The following PRKAR2A variants were observed in gnomAD, a reference collection of about 807,000 sequenced individuals.
PRKAR2A encodes cAMP-dependent protein kinase type II-alpha regulatory subunit.
Under a neutral mutation model 51.9 loss-of-function variants are expected in PRKAR2A, and 29 were observed. The ratio of observed to expected loss-of-function variants is 0.56; its 90% confidence interval spans 0.42 to 0.76. The LOEUF (loss-of-function observed/expected upper bound fraction) is 0.76. Among genes scored for constraint, PRKAR2A ranks in the 30% least tolerant of loss-of-function variants. The pLI is 0.00. For synonymous variants in PRKAR2A, 178 were observed against 186.2 expected (o/e 0.96, Z 0.36); for missense variants, 445 against 512.1 (o/e 0.87, Z 1.26).
Position 48,847,684 on chromosome 3 carries a change from C to A in PRKAR2A, c.-88G>T, listed in dbSNP as rs565808589. ...TCACGCCGGCCTTTCGCTCCGCGCCCGCGAGGTCTCTTCGCGCACGGCCCC... is the reference window on the plus strand; with the variant it reads ...TCACGCCGGCCTTTCGCTCCGCGCCAGCGAGGTCTCTTCGCGCACGGCCCC... On this transcript the variant is annotated 5_prime_UTR_variant, in exon 1 of 11. Transcript: ENST00000265563. The surrounding 1 kb of genome is among the most constrained non-coding windows in gnomAD (Gnocchi z 4.4). 10 of 1,290,728 alleles carry A rather than the reference C, an allele frequency of 7.7e-6. 1 individual carries two copies. The South Asian group carries it at 1.8e-4, about 23-fold the overall frequency. The allele number at this position is 1,290,728 out of a possible 1,614,324, so 80.0% of individuals were successfully genotyped here.
chr3:48,830,898 A>C (rs2083176579), intron 1 of PRKAR2A, among the ~76,000 whole-genome samples: 1 of 152,170 alleles, frequency 6.6e-6, no homozygotes, highest in Non-Finnish European at 1.5e-5. Context: ...ACAACGGTTC[A>C]CGTTCCTATG....
chr3:48,814,283 T>A (rs1169806512), intron 1 of PRKAR2A, among the ~76,000 whole-genome samples: 1 of 149,882 alleles, frequency 6.7e-6, no homozygotes, highest in African/African-American at 2.4e-5. Flanking sequence ...CCTGGCGTGG[T>A]GGCTTGCACA....
intron 1 of PRKAR2A, among the ~76,000 whole-genome samples, chr3:48,825,957 T>C (rs562335351): frequency 6.6e-6 from 1 of 152,192 alleles, no homozygotes; most frequent in Non-Finnish European, 1.5e-5. Flanking sequence ...CCAGGCCACC[T>C]GTACTTCTAA....
chr3:48,812,130 T>G (rs2082782708), intron 1 of PRKAR2A, among the ~76,000 whole-genome samples: 1 of 150,844 alleles, frequency 6.6e-6, no homozygotes, highest in African/African-American at 2.4e-5. Context: ...TCAATAAAGC[T>G]CTGAAAAAAA....
chr3:48,755,074 G>A (rs918860155), intron 9 of PRKAR2A, among the ~76,000 whole-genome samples: 2 of 143,830 alleles, frequency 1.4e-5, no homozygotes, highest in African/African-American at 2.6e-5. Flanking sequence ...CTCAGCTCAC[G>A]CAAGCTCTGC....
chr3:48,792,173 G>A (rs1349863997), intron 3 of PRKAR2A, among the ~76,000 whole-genome samples: 1 of 150,644 alleles, frequency 6.6e-6, no homozygotes, highest in Non-Finnish European at 1.5e-5. Flanking sequence ...ATGGAGTCTC[G>A]CTCTGTTGCC....
intron 5 of PRKAR2A, among the ~76,000 whole-genome samples, 169 bp downstream of exon 5, chr3:48,782,817 G>A (rs2082222430): frequency 6.6e-6 from 1 of 152,158 alleles, no homozygotes; most frequent in South Asian, 2.1e-4. Flanking sequence ...GAGGACTCAG[G>A]ACAGCACTGG....
At chr3:48,744,670 A>G (rs890892924), downstream of PRKAR2A, 1 of 152,052 alleles carries the variant, frequency 6.6e-6, no homozygotes, top group African/African-American at 2.4e-5. Flanking sequence ...TGGGTCCTAG[A>G]TTTCATATGC....
rs1559646973 is a variant in PRKAR2A, at chr3:48,829,873, T to TATA, written c.262+17461_262+17462insTAT. Among the ~76,000 whole-genome samples, 92 of 62,882 alleles carry TATA rather than the reference T, an allele frequency of 1.5e-3. 1 individual carries two copies. The highest frequency in any genetic ancestry group is 1.8e-3 in the Non-Finnish European group (61 of 34,286). 41.3% of individuals were successfully genotyped at this position (62,882 alleles called of 152,430 possible). ...TATATATATATATATATATATATAT[T>TATA]TTTTTTTTTTTTTTAAGCTTTTTTG... On this transcript the variant is annotated intron_variant, in intron 1 of 10. Coordinates refer to ENST00000265563, the MANE Select transcript of PRKAR2A (RefSeq NM_004157.4).
chr3:48,777,552 C>A (rs1218233522), intron 5 of PRKAR2A, among the ~76,000 whole-genome samples: 1 of 152,066 alleles, frequency 6.6e-6, no homozygotes. Flanking sequence ...ACTACAGGCA[C>A]CCGCCACCAC....
chr3:48,836,351 G>A (rs540378859), intron 1 of PRKAR2A, among the ~76,000 whole-genome samples: 9 of 145,950 alleles, frequency 6.2e-5, no homozygotes, highest in African/African-American at 1.5e-4. Flanking sequence ...CCCAGGAGGC[G>A]GAGGTTGCAG....
Position 48,847,821 on chromosome 3 carries a change from C to G in PRKAR2A, c.-225G>C. The G allele has an allele frequency of 5.1e-6, 2 of 394,896 alleles. No individual in the cohort carries two copies. Among genetic ancestry groups the G allele is most frequent in the Non-Finnish European group, 4.3e-6 (1 of 231,894 alleles). The allele number at this position is 394,896 out of a possible 1,614,324, so 24.5% of individuals were successfully genotyped here. ...GCTGTCACTGGGCAGCCGCCGCCGC[C>G]GCGGGGACCGACGGGCAGGCGAGCT... is the stretch of plus-strand genomic sequence containing the variant. On this transcript the variant is annotated 5_prime_UTR_variant, in exon 1 of 11. Coordinates refer to ENST00000265563, the MANE Select transcript of PRKAR2A (RefSeq NM_004157.4). This position sits in a 1 kb window ranked among gnomAD's most constrained non-coding sequence, Gnocchi z 4.4.
chr3:48,780,557 C>T (rs954197317), intron 5 of PRKAR2A, among the ~76,000 whole-genome samples: 3 of 148,656 alleles, frequency 2.0e-5, no homozygotes, highest in Non-Finnish European at 4.4e-5. Flanking sequence ...GAGCCAAGAT[C>T]GCGCCACTGC....
At chr3:48,765,125 G>C (rs1012559028) in intron 7 of PRKAR2A, 47 bp from the exon 8 acceptor site, 2 of 1,579,286 alleles carry the variant, frequency 1.3e-6, no homozygotes, top group Admixed American at 1.7e-5. Context: ...TTAATTGAAA[G>C]TCACAATAGC....
rs149465340 is a variant in PRKAR2A, at chr3:48,788,070, G to A, written c.435+2474C>T. ...TTTTGAGATGGAATCTCATTCTCTCGCCAAGGCTGGAGTTCAGTGGTATGA... is the reference window on the plus strand; with the variant it reads ...TTTTGAGATGGAATCTCATTCTCTCACCAAGGCTGGAGTTCAGTGGTATGA... On this transcript the variant is annotated intron_variant, in intron 4 of 10. Transcript: ENST00000265563. Among the ~76,000 whole-genome samples, 16 of 151,854 alleles carry A rather than the reference G, an allele frequency of 1.1e-4. No individual in the cohort carries two copies. In the East Asian group the frequency reaches 1.4e-3, roughly 13 times the overall value.
chr3:48,802,100 G>A (rs1003228635), intron 2 of PRKAR2A, among the ~76,000 whole-genome samples: 2 of 152,092 alleles, frequency 1.3e-5, no homozygotes, highest in Non-Finnish European at 2.9e-5. Context: ...GTAGAGATGG[G>A]GTTTCACGAT....
intron 4 of PRKAR2A, among the ~76,000 whole-genome samples, chr3:48,788,118 C>A (rs1349286651): frequency 6.6e-6 from 1 of 152,136 alleles, no homozygotes; most frequent in African/African-American, 2.4e-5. Flanking sequence ...GCAACCTCCA[C>A]CTCCCCAGTT....
chr3:48,809,832 T>C (rs1278029735), intron 1 of PRKAR2A, among the ~76,000 whole-genome samples: 1 of 152,102 alleles, frequency 6.6e-6, no homozygotes, highest in Non-Finnish European at 1.5e-5. Context: ...CCATGACAAG[T>C]AGGCTTCATC....
Position 48,752,326 on chromosome 3 carries a change from G to A in PRKAR2A, c.940-9C>T. The A allele has an allele frequency of 1.2e-6, 2 of 1,612,760 alleles. No homozygotes were observed. The highest frequency in any genetic ancestry group is 1.7e-6 in the Non-Finnish European group (2 of 1,179,498). On this transcript the variant is annotated splice_polypyrimidine_tract_variant and intron_variant, in intron 9 of 10. Coordinates refer to ENST00000265563, the MANE Select transcript of PRKAR2A (RefSeq NM_004157.4). ...TCCTTGTTTGATTTAGTCTACAGCAGGCAAAGAACATGACCTAGGCTGACT... is the reference window on the plus strand; with the variant it reads ...TCCTTGTTTGATTTAGTCTACAGCAAGCAAAGAACATGACCTAGGCTGACT...
Sources: gnomAD v4.1 joint callset for allele counts (sites outside exome capture counted in the v4.1 genomes callset) on GRCh38, gnomAD v4.1.1 for gene constraint, Gnocchi (gnomAD v3.1) non-coding constraint, MANE v1.5 for transcripts, NCBI Gene and HGNC (gene_info 2026-07-23, HGNC 2026-07-21) for gene names.